Variants in TC2N observed in about 807,000 individuals in gnomAD.
The protein encoded by TC2N is tandem C2 domains nuclear protein.
TC2N carries 51 observed loss-of-function variants against 61.9 expected under a neutral mutation model. The observed-to-expected ratio is 0.82, with a 90% CI of 0.66 to 1.04. TC2N has a LOEUF of 1.04. Among genes scored for constraint, TC2N ranks in the 50% least tolerant of loss-of-function variants. TC2N has a pLI of 0.00. For missense variants in TC2N, 556 were observed against 566.7 expected (o/e 0.98, Z 0.19); for synonymous variants, 204 against 192.6 (o/e 1.06, Z -0.49).
Position 91,782,998 on chromosome 14 carries a change from T to C in TC2N, c.*102A>G, listed in dbSNP as rs751647736. On this transcript the variant is annotated 3_prime_UTR_variant, in exon 12 of 12. Transcript: ENST00000435962. Reference sequence around the variant, plus strand: ...ATACCATAATTATAGCCCCCATAAATTGACAAATTTGTTGATTTGCCTCTT... The same window carrying C: ...ATACCATAATTATAGCCCCCATAAACTGACAAATTTGTTGATTTGCCTCTT... The C allele has an allele frequency of 1.5e-5, 11 of 718,726 alleles. No homozygotes were observed. The highest frequency in any genetic ancestry group is 2.4e-5 in the Non-Finnish European group (10 of 412,590). The allele number at this position is 718,726 out of a possible 1,614,324, so 44.5% of individuals were successfully genotyped here.
Position 91,782,977 on chromosome 14 carries a change from C to T in TC2N, c.*123G>A. The T allele has an allele frequency of 1.6e-6, 1 of 614,064 alleles. No homozygotes were observed. 38.0% of individuals were successfully genotyped at this position (614,064 alleles called of 1,614,324 possible). A position where few individuals can be genotyped will look rare whatever the true frequency, so the allele number is the denominator to read the frequency against. On this transcript the variant is annotated 3_prime_UTR_variant, in exon 12 of 12. Transcript: ENST00000435962. ...ATTTTCTATCAGATACATTATATAC[C>T]ATAATTATAGCCCCCATAAATTGAC... is the stretch of plus-strand genomic sequence containing the variant.
At chr14:91,822,970 C>T (rs1221466899) in intron 1 of TC2N, among the ~76,000 whole-genome samples, 1 of 151,830 alleles carries the variant, frequency 6.6e-6, no homozygotes, top group African/African-American at 2.4e-5. Flanking sequence ...CTGCTTCAGC[C>T]TCCCAAAGTG....
intron 5 of TC2N, 78 bp downstream of exon 5, chr14:91,800,203 A>G: frequency 1.3e-6 from 1 of 789,186 alleles, no homozygotes. Flanking sequence ...GCATATTCCT[A>G]ATGTAATTCA....
At chr14:91,786,966 G>A (rs1315390255) in intron 10 of TC2N, among the ~76,000 whole-genome samples, 1 of 151,866 alleles carries the variant, frequency 6.6e-6, no homozygotes, top group African/African-American at 2.4e-5. Context: ...TTCTAGTTAC[G>A]GTGAACATGC....
chr14:91,813,758 TTC>T lies in TC2N; in HGVS notation c.10_11del (p.Glu4IlefsTer13), dbSNP rs1323460639. ...ATCCTCCACAGCAACTCTTTATAAA[TTC>T]TGTTGCCATTACATTCAATTTCCAA... is the stretch of plus-strand genomic sequence containing the variant. MAT[E>X]FIKSCCGGCF... On this transcript the variant is annotated frameshift_variant, in exon 2 of 12. Coordinates refer to ENST00000435962, the MANE Select transcript of TC2N (RefSeq NM_001128596.3). LOFTEE classifies it high-confidence loss of function. 4.4e-6 allele frequency: 7 copies of T among 1,608,760 alleles called. No individual in the cohort carries two copies. Among genetic ancestry groups the T allele is most frequent in the Admixed American group, 3.4e-5 (2 of 59,648 alleles).
intron 9 of TC2N, among the ~76,000 whole-genome samples, chr14:91,788,037 A>G (rs571766722): frequency 6.6e-6 from 1 of 152,160 alleles, no homozygotes; most frequent in South Asian, 2.1e-4. Context: ...TATGAAAATC[A>G]TCATTATTTT....
At chr14:91,821,178 TG>T (rs1369561373) in intron 1 of TC2N, among the ~76,000 whole-genome samples, 1 of 151,548 alleles carries the variant, frequency 6.6e-6, no homozygotes, top group African/African-American at 2.4e-5. Flanking sequence ...AAAACAATCT[TG>T]GGGAAAAAAA....
intron 1 of TC2N, among the ~76,000 whole-genome samples, chr14:91,845,829 C>G (rs1239453210): frequency 6.6e-6 from 1 of 152,206 alleles, no homozygotes; most frequent in African/African-American, 2.4e-5. Flanking sequence ...ACACCTGATT[C>G]TCTAATTACT....
chr14:91,843,558 G>C (rs1219163799), intron 1 of TC2N, among the ~76,000 whole-genome samples: 1 of 152,176 alleles, frequency 6.6e-6, no homozygotes, highest in Non-Finnish European at 1.5e-5. Flanking sequence ...ATTAGTGATT[G>C]TACATGCCAC....
intron 1 of TC2N, among the ~76,000 whole-genome samples, chr14:91,853,951 C>CAAA (rs1888428810): frequency 6.6e-6 from 1 of 151,802 alleles, no homozygotes; most frequent in African/African-American, 2.4e-5. Context: ...TCAAAATATT[C>CAAA]GTGTAACCTA....
intron 1 of TC2N, among the ~76,000 whole-genome samples, chr14:91,827,307 A>G (rs935928890): frequency 6.6e-6 from 1 of 152,210 alleles, no homozygotes; most frequent in African/African-American, 2.4e-5. Context: ...TGGAAGTTTG[A>G]AGTCTGAAAT....
chr14:91,842,864 T>C (rs1888189706), intron 1 of TC2N, among the ~76,000 whole-genome samples: 1 of 152,160 alleles, frequency 6.6e-6, no homozygotes, highest in South Asian at 2.1e-4. Flanking sequence ...TAGGTTACAG[T>C]ATTGGCCCCA....
intron 1 of TC2N, among the ~76,000 whole-genome samples, chr14:91,860,901 T>G (rs1281871890): frequency 1.3e-5 from 2 of 152,222 alleles, no homozygotes; most frequent in Admixed American, 1.3e-4. Flanking sequence ...CTGGACTACA[T>G]TTTACAAGGC....
chr14:91,830,569 C>T (rs11845992), intron 1 of TC2N, among the ~76,000 whole-genome samples: 2,844 of 152,072 alleles, frequency 0.019, 84 homozygotes, highest in African/African-American at 0.064. Context: ...TGGGGAATGG[C>T]TGCTAATGGG....
At chr14:91,820,100 G>C (rs1205948252) in intron 1 of TC2N, among the ~76,000 whole-genome samples, 1 of 152,032 alleles carries the variant, frequency 6.6e-6, no homozygotes, top group African/African-American at 2.4e-5. Flanking sequence ...TTAAAAGGCA[G>C]AAATTGCCAG....
chr14:91,799,145 TAGTAACAAACTGCATG>T, intron 5 of TC2N, 81 bp from the exon 6 acceptor site: 1 of 862,526 alleles, frequency 1.2e-6, no homozygotes, highest in Non-Finnish European at 1.8e-6. Context: ...ATATCCATCC[TAGTAACAAACTGCATG>T]CTAACTATTT....
rs751462131 is a variant in TC2N at position 91,800,312 on chromosome 14, TCAAA to T, written c.526_529del (p.Phe176IlefsTer51). 28 of 1,604,674 alleles carry T rather than the reference TCAAA, an allele frequency of 1.7e-5. No individual in the cohort carries two copies. In the East Asian group the frequency reaches 6.3e-4, roughly 36 times the overall value. The stretch of plus-strand genomic sequence containing the variant: ...GAATCGCTGAGATGAGTTTGTAAGA[TCAAA>T]CATAGATTTGCTTAGCCCAGGGGAA... On this transcript the variant is annotated frameshift_variant, in exon 5 of 12. Coordinates refer to ENST00000435962, the MANE Select transcript of TC2N (RefSeq NM_001128596.3). LOFTEE classifies it high-confidence loss of function.
At chr14:91,804,627 CAT>C (rs576228824) in intron 3 of TC2N, among the ~76,000 whole-genome samples, 3 of 152,028 alleles carry the variant, frequency 2.0e-5, no homozygotes, top group Non-Finnish European at 1.5e-5. Flanking sequence ...ATCTAAAAAA[CAT>C]AATGTTGAAT....
chr14:91,784,124 T>A (rs985858704), intron 11 of TC2N, among the ~76,000 whole-genome samples: 6 of 152,114 alleles, frequency 3.9e-5, no homozygotes, highest in African/African-American at 1.4e-4. Context: ...GCAAGAACCT[T>A]TCCAGAATTA....
Sources: allele counts gnomAD v4.1 joint callset (sites outside exome capture counted in the v4.1 genomes callset), GRCh38; gene constraint gnomAD v4.1.1; transcripts MANE v1.5; gene names NCBI Gene and HGNC (gene_info 2026-07-23, HGNC 2026-07-21).